The following TCF7L1 variants were observed in gnomAD, a reference collection of about 807,000 sequenced individuals.
TCF7L1 encodes the protein transcription factor 7 like 1.
Under a neutral mutation model 63.7 loss-of-function variants are expected in TCF7L1, and 18 were observed. The ratio of observed to expected loss-of-function variants is 0.28; its 90% CI spans 0.20 to 0.42. TCF7L1 has a LOEUF of 0.42. Ranked by LOEUF, TCF7L1 falls within the 10% of genes least tolerant of loss-of-function variation. The pLI is 1.00. For missense variants in TCF7L1, 654 were observed against 779.3 expected (o/e 0.84, Z 1.91); for synonymous variants, 355 against 340.9 (o/e 1.04, Z -0.46).
chr2:85,300,073 G>T (rs1681935500), intron 4 of TCF7L1, among the ~76,000 whole-genome samples: 1 of 152,210 alleles, frequency 6.6e-6, no homozygotes, highest in East Asian at 1.9e-4. Context: ...TTAAGTAGTA[G>T]ATCATGGTGA....
At chr2:85,174,198 A>G (rs945283444) in intron 3 of TCF7L1, among the ~76,000 whole-genome samples, 7 of 151,586 alleles carry the variant, frequency 4.6e-5, no homozygotes, top group African/African-American at 1.2e-4. Context: ...TTCTTTTTCT[A>G]TGTTCTGGAC....
chr2:85,260,495 G>A (rs537466111), intron 3 of TCF7L1, among the ~76,000 whole-genome samples: 1 of 152,022 alleles, frequency 6.6e-6, no homozygotes, highest in South Asian at 2.1e-4. Flanking sequence ...AAAAAAATTA[G>A]CAGGGCATGG....
chr2:85,150,744 T>C (rs1461610635), intron 3 of TCF7L1, among the ~76,000 whole-genome samples: 1 of 152,202 alleles, frequency 6.6e-6, no homozygotes, highest in Non-Finnish European at 1.5e-5. Flanking sequence ...AATCATGTGT[T>C]CCAGCTTTCT....
intron 5 of TCF7L1, chr2:85,303,588 TC>T (rs1682035497): frequency 3.5e-6 from 1 of 286,542 alleles, no homozygotes; most frequent in African/African-American, 2.2e-5. Flanking sequence ...TTGTCATTGG[TC>T]TTGTGGGTCC....
chr2:85,251,429 G>C (rs1680584671), intron 3 of TCF7L1, among the ~76,000 whole-genome samples: 1 of 152,148 alleles, frequency 6.6e-6, no homozygotes, highest in Non-Finnish European at 1.5e-5. Context: ...TAAACAGTAG[G>C]GGTCTAATAC....
At chr2:85,146,556 C>T (rs539494474) in intron 3 of TCF7L1, among the ~76,000 whole-genome samples, 2 of 132,614 alleles carry the variant, frequency 1.5e-5, no homozygotes, top group Non-Finnish European at 3.0e-5. Flanking sequence ...GGCTGGAGTG[C>T]AATGGCACGA....
intron 3 of TCF7L1, among the ~76,000 whole-genome samples, chr2:85,161,759 C>T (rs1414060102): frequency 6.6e-6 from 1 of 152,208 alleles, no homozygotes; most frequent in Non-Finnish European, 1.5e-5. Context: ...GGCCTGCACT[C>T]TAGGGTCATC....
chr2:85,210,383 G>A (rs957450843), intron 3 of TCF7L1, among the ~76,000 whole-genome samples: 1 of 152,232 alleles, frequency 6.6e-6, no homozygotes, highest in Non-Finnish European at 1.5e-5. Flanking sequence ...GTGCCATAGG[G>A]TTGGTGCTAG....
chr2:85,148,388 T>G (rs563982987), intron 3 of TCF7L1, among the ~76,000 whole-genome samples: 1 of 152,292 alleles, frequency 6.6e-6, no homozygotes, highest in Admixed American at 6.5e-5. Flanking sequence ...GGTGGCAGTG[T>G]GTCTAGGGGG....
intron 4 of TCF7L1, among the ~76,000 whole-genome samples, chr2:85,290,641 T>C (rs1461733162): frequency 6.6e-6 from 1 of 152,160 alleles, no homozygotes; most frequent in Non-Finnish European, 1.5e-5. Context: ...ATAAAAAAGA[T>C]ATAGGACAGT....
chr2:85,207,749 C>T (rs999454594), intron 3 of TCF7L1, among the ~76,000 whole-genome samples: 6 of 152,004 alleles, frequency 3.9e-5, no homozygotes, highest in African/African-American at 9.7e-5. Context: ...AACCGTACTT[C>T]AGTGCTGTAT....
chr2:85,267,385 C>CA (rs1681001674), intron 3 of TCF7L1, among the ~76,000 whole-genome samples: 1 of 146,186 alleles, frequency 6.8e-6, no homozygotes, highest in Non-Finnish European at 1.5e-5. Context: ...CATGGTGGCT[C>CA]ACACCTGTAA....
At chr2:85,139,724 A>C (rs541297775) in intron 3 of TCF7L1, among the ~76,000 whole-genome samples, 1 of 152,328 alleles carries the variant, frequency 6.6e-6, no homozygotes, top group African/African-American at 2.4e-5. Context: ...AGCCAGGACC[A>C]GGAGAGTGAA....
intron 3 of TCF7L1, among the ~76,000 whole-genome samples, chr2:85,257,113 C>T (rs1477796620): frequency 6.6e-6 from 1 of 151,996 alleles, no homozygotes; most frequent in Non-Finnish European, 1.5e-5. Flanking sequence ...ACTCGAGAGG[C>T]TGAATCAGGA....
intron 5 of TCF7L1, 119 bp from the exon 6 acceptor site, chr2:85,303,776 C>G (rs1466489523): frequency 1.4e-6 from 1 of 720,060 alleles, no homozygotes; most frequent in East Asian, 2.7e-5. Flanking sequence ...GACAATGACA[C>G]AAGCACCTGC....
chr2:85,152,477 G>A (rs1325436650), intron 3 of TCF7L1, among the ~76,000 whole-genome samples: 1 of 129,768 alleles, frequency 7.7e-6, no homozygotes, highest in Non-Finnish European at 1.5e-5. Context: ...CTCTGTCACC[G>A]AGGCTGGAGT....
chr2:85,264,730 A>G (rs1455767560), intron 3 of TCF7L1, among the ~76,000 whole-genome samples: 1 of 152,154 alleles, frequency 6.6e-6, no homozygotes, highest in African/African-American at 2.4e-5. Flanking sequence ...CCTAGCCTGG[A>G]TGCTTGAAAT....
chr2:85,299,860 A>AACACACACAC (rs61569778), intron 4 of TCF7L1, among the ~76,000 whole-genome samples: 2,203 of 92,726 alleles, frequency 0.024, 177 homozygotes, highest in Middle Eastern at 0.037. Context: ...CCTTGTCTCA[A>AACACACACAC]ACACACACAC....
intron 3 of TCF7L1, among the ~76,000 whole-genome samples, chr2:85,223,397 A>G (rs1485066138): frequency 6.6e-6 from 1 of 152,174 alleles, no homozygotes; most frequent in Non-Finnish European, 1.5e-5. Flanking sequence ...ATTTTTATTC[A>G]CCTGGCAGAA....
Sources: gnomAD v4.1 joint callset for allele counts (sites outside exome capture counted in the v4.1 genomes callset) on GRCh38, gnomAD v4.1.1 for gene constraint, MANE v1.5 for transcripts, NCBI Gene and HGNC (gene_info 2026-07-23, HGNC 2026-07-21) for gene names.